Variants in PATJ observed in about 807,000 individuals in gnomAD.
PATJ encodes inaD-like protein.
A neutral mutation model predicts 224.9 loss-of-function variants in PATJ; 190 were observed. The ratio of observed to expected loss-of-function variants is 0.84; its 90% CI spans 0.75 to 0.95. The LOEUF is 0.95. Ranked by LOEUF, PATJ falls within the 40% of genes least tolerant of loss-of-function variation. The pLI is 0.00. For synonymous variants in PATJ, 769 were observed against 820.3 expected, an observed-to-expected ratio of 0.94 and a Z score of 1.07; for missense variants, 2,121 against 2,270.3, an observed-to-expected ratio of 0.93 and a Z score of 1.34.
chr1:61,775,872 T>C (rs1367466981), intron 7 of PATJ, among the ~76,000 whole-genome samples: 1 of 152,226 alleles, frequency 6.6e-6, no homozygotes, highest in African/African-American at 2.4e-5. Context: ...TGTTAATTAC[T>C]ACATTTAGTT....
intron 31 of PATJ, chr1:62,054,489 A>C (rs907891731): frequency 6.0e-6 from 1 of 167,146 alleles, no homozygotes; most frequent in African/African-American, 2.4e-5. Context: ...TGCATAGCCA[A>C]GGAGTTTATA....
intron 14 of PATJ, among the ~76,000 whole-genome samples, chr1:61,820,666 C>T (rs1657079157): frequency 6.6e-6 from 1 of 152,094 alleles, no homozygotes; most frequent in Admixed American, 6.6e-5. Context: ...TTAATTGTAA[C>T]TTTATATGGT....
At chr1:61,890,641 C>G (rs995036277) in intron 22 of PATJ, among the ~76,000 whole-genome samples, 6 of 151,882 alleles carry the variant, frequency 4.0e-5, no homozygotes, top group African/African-American at 1.2e-4. Context: ...GGATCACAGG[C>G]ACCTGCCACC....
Position 61,790,515 on chromosome 1 carries a change from G to T in PATJ, c.1069-833G>T, listed in dbSNP as rs149211306. On this transcript the variant is annotated intron_variant, in intron 8 of 43. Transcript: ENST00000642238. ...TCTTCTTTTTCTTCTTCTTTTTTTT[G>T]TTTTTTTTTTTTGTTTGAGACAGAG... Among the ~76,000 whole-genome samples, 261 of 128,946 alleles carry T rather than the reference G, an allele frequency of 2.0e-3. 1 individual carries two copies. Among genetic ancestry groups the T allele is most frequent in the South Asian group, 0.01 (42 of 4,160 alleles). The allele number at this position is 128,946 out of a possible 152,430, so 84.6% of individuals were successfully genotyped here.
intron 26 of PATJ, among the ~76,000 whole-genome samples, chr1:61,924,225 A>C (rs1674777391): frequency 6.6e-6 from 1 of 151,334 alleles, no homozygotes; most frequent in Admixed American, 6.6e-5. Context: ...AAAATTAGCC[A>C]GGTGTGGTGG....
intron 14 of PATJ, among the ~76,000 whole-genome samples, chr1:61,820,396 G>C (rs188399588): frequency 1.5e-4 from 23 of 152,050 alleles, no homozygotes; most frequent in African/African-American, 4.1e-4. Context: ...AGGCTAGAGT[G>C]CAATGGCTCA....
intron 28 of PATJ, among the ~76,000 whole-genome samples, chr1:62,008,728 G>A (rs546731517): frequency 5.9e-5 from 9 of 152,268 alleles, no homozygotes; most frequent in Admixed American, 3.3e-4. Context: ...CAGCCTGGGC[G>A]ACAGAGCAAG....
rs11810796 is a variant in PATJ at position 61,970,297 on chromosome 1, A to G, written c.3671-19871A>G. Among the ~76,000 whole-genome samples, 261 of 151,634 alleles carry G rather than the reference A, an allele frequency of 1.7e-3. 1 individual carries two copies. Among genetic ancestry groups the G allele is most frequent in the African/African-American group, 5.9e-3 (245 of 41,304 alleles). On this transcript the variant is annotated intron_variant, in intron 27 of 43. Coordinates refer to ENST00000642238, the MANE Select transcript of PATJ (RefSeq NM_001350145.3). ...AAGTAGAGTTCCCAATACCTCCCCC[A>G]CCGACACACGGGCAACCTCTCCCAC... is the stretch of plus-strand genomic sequence containing the variant.
intron 17 of PATJ, among the ~76,000 whole-genome samples, chr1:61,840,674 T>C (rs1307288181): frequency 6.6e-6 from 1 of 152,098 alleles, no homozygotes; most frequent in Non-Finnish European, 1.5e-5. Context: ...CAGCCTCCTG[T>C]ACCCAGTTGG....
At chr1:61,831,584 T>C (rs1659330514) in intron 16 of PATJ, among the ~76,000 whole-genome samples, 1 of 152,120 alleles carries the variant, frequency 6.6e-6, no homozygotes, top group African/African-American at 2.4e-5. Flanking sequence ...AAAAAATGCT[T>C]AATAGCACTG....
intron 27 of PATJ, among the ~76,000 whole-genome samples, chr1:61,946,432 T>C (rs1272125550): frequency 6.6e-6 from 1 of 152,090 alleles, no homozygotes; most frequent in Non-Finnish European, 1.5e-5. Context: ...GAGAATACTA[T>C]AAACACCTCT....
intron 17 of PATJ, among the ~76,000 whole-genome samples, chr1:61,837,625 C>T (rs1005258787): frequency 5.3e-5 from 8 of 151,722 alleles, no homozygotes; most frequent in Non-Finnish European, 8.8e-5. Context: ...CCTGTCTGTA[C>T]TAAAAAATAC....
At chr1:62,027,775 G>A (rs1052599013) in intron 29 of PATJ, among the ~76,000 whole-genome samples, 1 of 150,792 alleles carries the variant, frequency 6.6e-6, no homozygotes, top group South Asian at 2.1e-4. Flanking sequence ...GGCTTTTTGT[G>A]TGTTTTCTTT....
rs187544632 is a variant in PATJ at position 61,893,203 on chromosome 1, G to A, written c.3132-6380G>A. 3.5e-4 allele frequency among the ~76,000 whole-genome samples: 53 copies of A among 152,072 alleles called. No homozygotes were observed. In the East Asian group the frequency reaches 4.8e-3, roughly 14 times the overall value. Reference sequence around the variant, plus strand: ...TAAGCTTTCACAAGTTTTATCTCTCGTTAGGTATGAACTCATCTGAATAAA... The same window carrying A: ...TAAGCTTTCACAAGTTTTATCTCTCATTAGGTATGAACTCATCTGAATAAA... On this transcript the variant is annotated intron_variant, in intron 22 of 43. Coordinates refer to ENST00000642238, the MANE Select transcript of PATJ (RefSeq NM_001350145.3).
intron 20 of PATJ, among the ~76,000 whole-genome samples, chr1:61,871,390 T>TAG (rs1248156782): frequency 3.1e-5 from 2 of 64,344 alleles, no homozygotes; most frequent in Non-Finnish European, 4.4e-5. Flanking sequence ...TTTTTGTGTA[T>TAG]ATATATATAT....
At chr1:61,982,263 G>A (rs1235024366) in intron 27 of PATJ, among the ~76,000 whole-genome samples, 1 of 152,026 alleles carries the variant, frequency 6.6e-6, no homozygotes, top group South Asian at 2.1e-4. Flanking sequence ...AGGGTATTGT[G>A]TTCTGAATCC....
chr1:61,768,903 G>GAA (rs3838408), intron 4 of PATJ, among the ~76,000 whole-genome samples: 3 of 151,358 alleles, frequency 2.0e-5, no homozygotes, highest in African/African-American at 7.3e-5. Context: ...CTGTCTCCAA[G>GAA]AAAAAAAATA....
intron 41 of PATJ, among the ~76,000 whole-genome samples, chr1:62,144,795 T>TATATATATATATATATA (rs1558231544): frequency 6.8e-6 from 1 of 146,258 alleles, no homozygotes; most frequent in Non-Finnish European, 1.5e-5. Flanking sequence ...TATATATATA[T>TATATATATATATATATA]AATTAGCAGA....
At chr1:61,792,616 C>T (rs1254807249) in intron 9 of PATJ, among the ~76,000 whole-genome samples, 1 of 151,464 alleles carries the variant, frequency 6.6e-6, no homozygotes, top group Admixed American at 6.6e-5. Flanking sequence ...CTGCAACCTC[C>T]GCCTCCCAGG....
Sources: gnomAD v4.1 joint callset for allele counts (sites outside exome capture counted in the v4.1 genomes callset) on GRCh38, gnomAD v4.1.1 for gene constraint, MANE v1.5 for transcripts, NCBI Gene and HGNC (gene_info 2026-07-23, HGNC 2026-07-21) for gene names.